Variants in CERT1 observed in about 807,000 individuals in gnomAD.
The protein encoded by CERT1 is ceramide transporter 1, also known as ceramide transfer protein.
Under a neutral mutation model 87.9 loss-of-function variants are expected in CERT1, and 31 were observed. The observed-to-expected ratio is 0.35, with a 90% CI of 0.27 to 0.48. CERT1 has a LOEUF of 0.48. CERT1 is among the 20% of genes least tolerant of loss of function. The probability of loss-of-function intolerance (pLI) is 0.99; values close to 1 mark genes in which losing one functional copy is unlikely to be tolerated. For missense variants in CERT1, 487 were observed against 758.0 expected (o/e 0.64, Z 4.20); for synonymous variants, 289 against 250.9 (o/e 1.15, Z -1.44).
chr5:75,466,212 C>T (rs977585515), intron 2 of CERT1, among the ~76,000 whole-genome samples: 3 of 152,112 alleles, frequency 2.0e-5, no homozygotes, highest in Non-Finnish European at 4.4e-5. Flanking sequence ...GATTAGAAGC[C>T]AGGAACAAGA....
chr5:75,373,119 T>C (rs571307241), downstream of CERT1: 1 of 152,354 alleles, frequency 6.6e-6, no homozygotes, highest in East Asian at 1.9e-4. Flanking sequence ...TCTGCTGAAG[T>C]TTCTGATCAA....
intron 8 of CERT1, 167 bp downstream of exon 8, chr5:75,410,844 C>A: frequency 2.4e-6 from 1 of 414,196 alleles, no homozygotes; most frequent in Non-Finnish European, 4.2e-6. Flanking sequence ...TATATTTGAG[C>A]ATGCCTGGCA....
intron 3 of CERT1, among the ~76,000 whole-genome samples, chr5:75,443,868 T>C (rs1764422587): frequency 6.6e-6 from 1 of 152,254 alleles, no homozygotes; most frequent in Non-Finnish European, 1.5e-5. Context: ...CTTGCTGCAG[T>C]GAACCTTTTA....
At chr5:75,459,829 G>C (rs1179283390) in intron 2 of CERT1, among the ~76,000 whole-genome samples, 5 of 151,926 alleles carry the variant, frequency 3.3e-5, no homozygotes, top group Non-Finnish European at 7.4e-5. Flanking sequence ...TGGGCGTGGT[G>C]GTGGGCACCT....
Position 75,511,123 on chromosome 5 carries a change from C to T in CERT1, c.85G>A (p.Val29Ile), listed in dbSNP as rs371365467. The change falls in exon 1 of 17, where the codon GTC (valine) becomes ATC (isoleucine). Residue 29 changes from valine to isoleucine, a missense_variant. Physicochemically the swap from Val to Ile is conservative, Grantham distance 29. Around this residue, in one of 8 missense-constraint regions of CERT1, gnomAD observed 173 missense variants for 302.2 expected, o/e 0.57. Transcript: ENST00000643780. ...CAGGGGTTGCTCACCTTACTGAGGA[C>T]CCCGCAGCGCTCCACAGGCGGCCCA... ...ESGPPVERCG[V>I]LSKWTNYIHG... 129 of 1,589,882 alleles carry T rather than the reference C, an allele frequency of 8.1e-5. No individual in the cohort carries two copies. Among genetic ancestry groups the T allele is most frequent in the South Asian group, 1.7e-4 (15 of 87,020 alleles).
chr5:75,496,613 C>T (rs1157066292), intron 2 of CERT1, among the ~76,000 whole-genome samples: 1 of 152,086 alleles, frequency 6.6e-6, no homozygotes, highest in Non-Finnish European at 1.5e-5. Context: ...TATGGTATAT[C>T]CCTATAGTGA....
chr5:75,380,920 A>T (rs1391958317), intron 16 of CERT1, 152 bp downstream of exon 16: 2 of 764,800 alleles, frequency 2.6e-6, no homozygotes, highest in Non-Finnish European at 4.2e-6. Context: ...ACTTTCAAAG[A>T]TTCTCTAGTA....
chr5:75,399,483 A>G, intron 10 of CERT1, 96 bp from the exon 11 acceptor site: 1 of 861,430 alleles, frequency 1.2e-6, no homozygotes, highest in Non-Finnish European at 1.9e-6. Context: ...AAGGGAAGAG[A>G]AAACAAAGCA....
chr5:75,404,907 G>A (rs921313261), intron 8 of CERT1, among the ~76,000 whole-genome samples: 4 of 152,016 alleles, frequency 2.6e-5, no homozygotes, highest in African/African-American at 9.7e-5. Flanking sequence ...CTCAGGAGGA[G>A]GAGGCACAAT....
intron 16 of CERT1, among the ~76,000 whole-genome samples, chr5:75,380,058 A>C (rs1580689867): frequency 6.6e-6 from 1 of 152,190 alleles, no homozygotes; most frequent in South Asian, 2.1e-4. Context: ...GATTATTCAC[A>C]AATCTGTACT....
At chr5:75,387,682 C>T (rs886849216) in intron 12 of CERT1, among the ~76,000 whole-genome samples, 5 of 150,094 alleles carry the variant, frequency 3.3e-5, no homozygotes, top group South Asian at 2.1e-4. Context: ...GCGGAGGCTG[C>T]GATAAGCCAA....
intron 2 of CERT1, among the ~76,000 whole-genome samples, chr5:75,496,117 G>A (rs540265728): frequency 3.3e-4 from 50 of 151,750 alleles, no homozygotes; most frequent in African/African-American, 1.2e-3. Context: ...TATATATAAA[G>A]AATTCTCATA....
At chr5:75,380,942 C>A (rs932246838) in intron 16 of CERT1, 130 bp downstream of exon 16, 5 of 954,192 alleles carry the variant, frequency 5.2e-6, no homozygotes, top group Non-Finnish European at 7.9e-6. Context: ...TTCTGATATA[C>A]CTTTCTCCAA....
intron 8 of CERT1, among the ~76,000 whole-genome samples, chr5:75,407,361 C>T (rs62366593): frequency 0.042 from 6,242 of 150,118 alleles, 172 homozygotes; most frequent in Non-Finnish European, 0.063. Context: ...AAGCATGATA[C>T]CAAATGTGGA....
intron 2 of CERT1, among the ~76,000 whole-genome samples, chr5:75,464,549 C>T (rs1580808645): frequency 6.6e-6 from 1 of 152,082 alleles, no homozygotes; most frequent in Admixed American, 6.6e-5. Context: ...TGCATTGTTG[C>T]CCAGGGTGGT....
chr5:75,412,506 C>G (rs923944698), intron 7 of CERT1, among the ~76,000 whole-genome samples: 2 of 152,208 alleles, frequency 1.3e-5, no homozygotes, highest in Non-Finnish European at 2.9e-5. Flanking sequence ...CATGTTAGTT[C>G]ACCATGGGGA....
intron 2 of CERT1, among the ~76,000 whole-genome samples, chr5:75,468,044 CT>C (rs1417275624): frequency 3.9e-5 from 6 of 152,092 alleles, no homozygotes; most frequent in African/African-American, 1.4e-4. Context: ...AAGTGGTTTT[CT>C]TCTTTAGAAA....
intron 8 of CERT1, among the ~76,000 whole-genome samples, chr5:75,409,128 C>G (rs1762829776): frequency 2.0e-5 from 3 of 152,038 alleles, no homozygotes; most frequent in African/African-American, 7.2e-5. Context: ...AAATAAGGTA[C>G]TTTAAAAAGT....
At chr5:75,495,460 A>T (rs1767012945) in intron 2 of CERT1, among the ~76,000 whole-genome samples, 1 of 152,132 alleles carries the variant, frequency 6.6e-6, no homozygotes, top group African/African-American at 2.4e-5. Context: ...CGGGGGGCTG[A>T]GGCAGAAGAA....
Sources: allele counts gnomAD v4.1 joint callset (sites outside exome capture counted in the v4.1 genomes callset), GRCh38; gene constraint gnomAD v4.1.1; regional missense constraint gnomAD v4.1.1; transcripts MANE v1.5; gene names NCBI Gene and HGNC (gene_info 2026-07-23, HGNC 2026-07-21).